The following TAGLN3 variants were observed in gnomAD, a reference collection of about 807,000 sequenced individuals.
TAGLN3 encodes the protein transgelin-3.
A neutral mutation model predicts 25.4 loss-of-function variants in TAGLN3; 12 were observed. That is an observed-to-expected ratio of 0.47 (90% CI 0.30 to 0.77). TAGLN3 has a LOEUF of 0.77. TAGLN3 is among the 30% of genes least tolerant of loss of function. TAGLN3 has a pLI of 0.06. For synonymous variants in TAGLN3, 96 were observed against 94.8 expected (o/e 1.01, Z -0.08); for missense variants, 218 against 255.8 (o/e 0.85, Z 1.01).
chr3:112,003,865 C>G (rs1456101656), intron 3 of TAGLN3, among the ~76,000 whole-genome samples: 1 of 152,168 alleles, frequency 6.6e-6, no homozygotes, highest in Non-Finnish European at 1.5e-5. Context: ...CTGGATGTTG[C>G]AAACCCGTAA....
In TAGLN3 at chr3:112,013,245, GGTAGGGCCATAGCTCAGA is replaced by G. The variant is rs373794314; in HGVS notation, c.459-148_459-131del. On this transcript the variant is annotated intron_variant, in intron 4 of 4. Coordinates refer to ENST00000478951, the MANE Select transcript of TAGLN3 (RefSeq NM_001008272.2). The stretch of plus-strand genomic sequence containing the variant: ...GGCTCAGGGTAGGTCCACAGTGCAG[GGTAGGGCCATAGCTCAGA>G]GTAGGGCCATAGCTCATAACCACAG... Among the ~76,000 whole-genome samples, 1,169 of 152,248 alleles carry G rather than the reference GGTAGGGCCATAGCTCAGA, an allele frequency of 7.7e-3. 22 individuals carry two copies. The highest frequency in any genetic ancestry group is 0.027 in the African/African-American group (1,114 of 41,550).
At chr3:112,010,273 C>G (rs2072961839) in intron 3 of TAGLN3, among the ~76,000 whole-genome samples, 1 of 152,068 alleles carries the variant, frequency 6.6e-6, no homozygotes, top group Non-Finnish European at 1.5e-5. Context: ...CAGAATAGCT[C>G]TTTCCAACCA....
In TAGLN3 at chr3:112,011,878, T is replaced by C. The variant is rs553373086; in HGVS notation, c.458+13T>C. On this transcript the variant is annotated intron_variant, in intron 4 of 4. Coordinates refer to ENST00000478951, the MANE Select transcript of TAGLN3 (RefSeq NM_001008272.2). ...CCTGGTTTCACAGGTAAAAGCCTCTTCCTTGCCCCCTGGACCACAAGGCGA... is the reference window on the plus strand; with the variant it reads ...CCTGGTTTCACAGGTAAAAGCCTCTCCCTTGCCCCCTGGACCACAAGGCGA... The C allele has an allele frequency of 6.8e-4, 1,101 of 1,612,048 alleles. 11 individuals are homozygous for C. In the South Asian group the frequency reaches 0.012, roughly 17 times the overall value.
Position 112,000,763 on chromosome 3 carries a change from C to T in TAGLN3, c.181-9C>T, listed in dbSNP as rs765207213. 1 of 1,610,866 alleles carries T rather than the reference C, an allele frequency of 6.2e-7. No homozygotes were observed. Among genetic ancestry groups the T allele is most frequent in the South Asian group, 1.1e-5 (1 of 90,876 alleles). ...AAACATTGATTCTGTCTCTCCCCTC[C>T]CTCTTCAGGTCCTGTGCAAGCTGAT... On this transcript the variant is annotated splice_polypyrimidine_tract_variant and intron_variant, in intron 2 of 4. Coordinates refer to ENST00000478951, the MANE Select transcript of TAGLN3 (RefSeq NM_001008272.2).
intron 4 of TAGLN3, 109 bp from the exon 5 acceptor site, chr3:112,013,301 C>T: frequency 7.2e-7 from 1 of 1,381,868 alleles, no homozygotes; most frequent in Non-Finnish European, 9.8e-7. Flanking sequence ...CAGGGTAGGA[C>T]CTGCTGATCT....
At chr3:112,004,691 T>C (rs2107721690) in intron 3 of TAGLN3, among the ~76,000 whole-genome samples, 1 of 152,314 alleles carries the variant, frequency 6.6e-6, no homozygotes, top group Admixed American at 6.5e-5. Context: ...TTCATGATGA[T>C]AGTAGAAGAT....
intron 1 of TAGLN3, 125 bp downstream of exon 1, chr3:111,999,239 G>A (rs532377133): frequency 3.2e-6 from 2 of 621,298 alleles, no homozygotes; most frequent in Admixed American, 3.1e-5. Flanking sequence ...TTTCTTTCCC[G>A]TTTGTAGGTG....
chr3:112,012,970 G>A (rs2072994980), intron 4 of TAGLN3, among the ~76,000 whole-genome samples: 1 of 152,154 alleles, frequency 6.6e-6, no homozygotes, highest in Non-Finnish European at 1.5e-5. Context: ...GTGAGAGAAA[G>A]GGTAAGAAGA....
chr3:112,000,558 T>A (rs2072844283), intron 2 of TAGLN3: 1 of 485,134 alleles, frequency 2.1e-6, no homozygotes, highest in African/African-American at 1.9e-5. Context: ...ATCTCTGTAG[T>A]AAGGAGCAGC....
intron 1 of TAGLN3, 79 bp from the exon 2 acceptor site, chr3:111,999,342 C>A: frequency 6.5e-7 from 1 of 1,529,942 alleles, no homozygotes; most frequent in East Asian, 2.3e-5. Context: ...CAGCCATATC[C>A]CAGCCCCGTC....
chr3:112,011,788 G>A lies in TAGLN3; in HGVS notation c.381G>A (p.Arg127=), dbSNP rs2072979380. 6.2e-7 allele frequency: 1 copy of A among 1,613,448 alleles called. No homozygotes were observed. The highest frequency in any genetic ancestry group is 1.3e-5 in the African/African-American group (1 of 74,906). The change falls in exon 4 of 5, where the codon AGG becomes AGA. Residue 127 remains arginine (R), a synonymous_variant. Transcript: ENST00000478951. ...GGAAGGACATGGCAGCTGTGCAGAG[G>A]ACCCTGATGGCTTTAGGCAGCGTTG... ...WEGKDMAAVQ[R]TLMALGSVAV...
Position 112,013,470 on chromosome 3 carries a change from A to G in TAGLN3, c.519A>G (p.Val173=). 1 of 1,614,226 alleles carries G rather than the reference A, an allele frequency of 6.2e-7. No homozygotes were observed. The highest frequency in any genetic ancestry group is 1.1e-5 in the South Asian group (1 of 91,084). The change falls in exon 5 of 5, where the codon GTA becomes GTG. Residue 173 remains valine (V), a synonymous_variant. Transcript: ENST00000478951. ...AGCAGCTTCGCCAGGGACAGAACGT[A>G]ATAGGCCTGCAGATGGGCAGCAACA... ...SEEQLRQGQN[V]IGLQMGSNKG...
chr3:112,002,151 T>C (rs2072867313), intron 3 of TAGLN3, among the ~76,000 whole-genome samples: 1 of 152,210 alleles, frequency 6.6e-6, no homozygotes, highest in Admixed American at 6.5e-5. Context: ...AATTTCACAG[T>C]TGAGATTTGA....
rs747235904 is a variant in TAGLN3, at chr3:111,999,461, G to A, written c.39G>A (p.Glu13=). Reference sequence around the variant, plus strand: ...GCCCGAGCTATGGCTTAAGCCGAGAGGTGCAGGAGAAGATCGAGCAGAAGT... The same window carrying A: ...GCCCGAGCTATGGCTTAAGCCGAGAAGTGCAGGAGAAGATCGAGCAGAAGT... ...NRGPSYGLSR[E]VQEKIEQKYD... The change falls in exon 2 of 5, where the codon GAG becomes GAA. Residue 13 remains glutamate (E), a synonymous_variant. Transcript: ENST00000478951. 3 of 1,614,234 alleles carry A rather than the reference G, an allele frequency of 1.9e-6. No homozygotes were observed. Among genetic ancestry groups the A allele is most frequent in the Non-Finnish European group, 2.5e-6 (3 of 1,180,032 alleles).
intron 4 of TAGLN3, 36 bp from the exon 5 acceptor site, chr3:112,013,374 A>G: frequency 6.3e-7 from 1 of 1,591,874 alleles, no homozygotes; most frequent in Non-Finnish European, 8.6e-7. Context: ...GAAAACTGTC[A>G]TAATGACATT....
chr3:112,006,182 C>T (rs979501742), intron 3 of TAGLN3, among the ~76,000 whole-genome samples: 23 of 152,160 alleles, frequency 1.5e-4, no homozygotes, highest in African/African-American at 5.6e-4. Flanking sequence ...ATCGGAATCA[C>T]TAGGTAGGCC....
At chr3:112,007,156 A>G (rs2072927253) in intron 3 of TAGLN3, among the ~76,000 whole-genome samples, 1 of 152,132 alleles carries the variant, frequency 6.6e-6, no homozygotes, top group African/African-American at 2.4e-5. Context: ...TATTTTCCAT[A>G]TGCCCTCTCT....
chr3:112,006,101 T>C (rs1158542681), intron 3 of TAGLN3, among the ~76,000 whole-genome samples: 2 of 152,258 alleles, frequency 1.3e-5, no homozygotes, highest in East Asian at 3.9e-4. Flanking sequence ...ACTGCATTTA[T>C]TTCAAGTGGC....
At chr3:112,011,672 CA>C in intron 3 of TAGLN3, 90 bp from the exon 4 acceptor site, 1 of 1,245,076 alleles carries the variant, frequency 8.0e-7, no homozygotes, top group South Asian at 1.5e-5. Flanking sequence ...AGCCTTCTAT[CA>C]GAACTTCCCT....
Sources: allele counts gnomAD v4.1 joint callset (sites outside exome capture counted in the v4.1 genomes callset), GRCh38; gene constraint gnomAD v4.1.1; transcripts MANE v1.5; gene names NCBI Gene and HGNC (gene_info 2026-07-23, HGNC 2026-07-21).